The following PPP1R9A variants were observed in gnomAD, a reference collection of about 807,000 sequenced individuals.
PPP1R9A encodes the protein protein phosphatase 1 regulatory subunit 9A, also known as neurabin-1.
A neutral mutation model predicts 141.9 loss-of-function variants in PPP1R9A; 59 were observed. That is an observed-to-expected ratio of 0.42 (90% confidence interval 0.34 to 0.52). PPP1R9A has a LOEUF of 0.52. Among genes scored for constraint, PPP1R9A ranks in the 20% least tolerant of loss-of-function variants. The probability of loss-of-function intolerance (pLI) is 0.10; values close to 1 mark genes in which losing one functional copy is unlikely to be tolerated. For synonymous variants in PPP1R9A, 500 were observed against 569.7 expected (o/e 0.88, Z 1.74); for missense variants, 1,444 against 1,611.9 (o/e 0.90, Z 1.78).
At chr7:95,042,114 G>A (rs2151914550) in intron 2 of PPP1R9A, among the ~76,000 whole-genome samples, 1 of 152,226 alleles carries the variant, frequency 6.6e-6, no homozygotes, top group African/African-American at 2.4e-5. Flanking sequence ...AGCCAGGTGT[G>A]CTTTTACTGC....
chr7:95,274,489 G>C (rs553207526), intron 16 of PPP1R9A, among the ~76,000 whole-genome samples: 1 of 152,276 alleles, frequency 6.6e-6, no homozygotes, highest in South Asian at 2.1e-4. Flanking sequence ...TGATACTTCA[G>C]ATTTTTTGCC....
intron 12 of PPP1R9A, among the ~76,000 whole-genome samples, chr7:95,263,194 C>A (rs1015494157): frequency 1.3e-5 from 2 of 151,996 alleles, no homozygotes; most frequent in East Asian, 1.9e-4. Context: ...AATTAAGGTG[C>A]CTTTAAGAGA....
intron 2 of PPP1R9A, among the ~76,000 whole-genome samples, chr7:95,081,779 A>G (rs1459659062): frequency 6.6e-6 from 1 of 152,208 alleles, no homozygotes; most frequent in East Asian, 1.9e-4. Context: ...GAAATTAACC[A>G]AAGTCTTGCT....
At chr7:95,170,301 G>A (rs1264457236) in intron 5 of PPP1R9A, among the ~76,000 whole-genome samples, 4 of 151,556 alleles carry the variant, frequency 2.6e-5, no homozygotes, top group Non-Finnish European at 5.9e-5. Flanking sequence ...AGAGGTGCTA[G>A]AAAAGATAAC....
At chr7:95,093,238 A>G (rs910495183) in intron 2 of PPP1R9A, among the ~76,000 whole-genome samples, 18 of 152,294 alleles carry the variant, frequency 1.2e-4, no homozygotes, top group Non-Finnish European at 2.2e-4. Flanking sequence ...TTAATCAGCA[A>G]ATCTGCCACA....
chr7:94,938,456 C>CTT (rs144277990), intron 2 of PPP1R9A, among the ~76,000 whole-genome samples: 3 of 149,068 alleles, frequency 2.0e-5, no homozygotes, highest in African/African-American at 7.4e-5. Context: ...AGAAGGTTTT[C>CTT]TTTTTTTTTT....
chr7:95,185,378 A>ATTTTTTTTTTTTTTTTTTTT (rs147366122), intron 5 of PPP1R9A, among the ~76,000 whole-genome samples: 8 of 148,808 alleles, frequency 5.4e-5, no homozygotes, highest in African/African-American at 2.0e-4. Flanking sequence ...TTTTTATGGG[A>ATTTTTTTTTTTTTTTTTTTT]TTTTTTTTTT....
intron 4 of PPP1R9A, among the ~76,000 whole-genome samples, chr7:95,160,724 T>C (rs1245610453): frequency 6.6e-6 from 1 of 152,186 alleles, no homozygotes; most frequent in Non-Finnish European, 1.5e-5. Flanking sequence ...GCCGCCTTTA[T>C]GTCCATGAGT....
chr7:95,272,678 C>T (rs1802396098), intron 14 of PPP1R9A, among the ~76,000 whole-genome samples: 1 of 152,154 alleles, frequency 6.6e-6, no homozygotes, highest in African/African-American at 2.4e-5. Flanking sequence ...GACTGCTATC[C>T]ATGAACTGTG....
intron 7 of PPP1R9A, among the ~76,000 whole-genome samples, 189 bp from the exon 8 acceptor site, chr7:95,225,772 G>C (rs1795060370): frequency 6.6e-6 from 1 of 152,154 alleles, no homozygotes; most frequent in African/African-American, 2.4e-5. Flanking sequence ...GCATAGGTTT[G>C]TCACTTTGGA....
chr7:95,268,433 G>A, intron 12 of PPP1R9A, 117 bp from the exon 13 acceptor site: 1 of 1,100,768 alleles, frequency 9.1e-7, no homozygotes, highest in South Asian at 1.6e-5. Flanking sequence ...CTGTCATGGT[G>A]GTCACCTGAT....
chr7:95,108,307 CTTTTTTTTTTTTTTT>C (rs1166103728), intron 2 of PPP1R9A, among the ~76,000 whole-genome samples: 1 of 59,616 alleles, frequency 1.7e-5, no homozygotes. Context: ...CGTTTCTTTT[CTTTTTTTTTTTTTTT>C]TTTTTTTTTT....
At chr7:95,251,715 A>G (rs761906383) in intron 10 of PPP1R9A, 47 bp from the exon 11 acceptor site, 7 of 1,534,168 alleles carry the variant, frequency 4.6e-6, no homozygotes, top group Non-Finnish European at 6.2e-6. Context: ...AAGAACTTTC[A>G]TTTATTGAGT....
chr7:94,942,695 T>G (rs2150959367), intron 2 of PPP1R9A, among the ~76,000 whole-genome samples: 1 of 152,050 alleles, frequency 6.6e-6, no homozygotes, highest in East Asian at 1.9e-4. Context: ...TCCCAGCTAC[T>G]CAGGAGGCTG....
chr7:95,207,458 T>C (rs552201135), intron 7 of PPP1R9A, among the ~76,000 whole-genome samples: 3 of 152,174 alleles, frequency 2.0e-5, no homozygotes, highest in East Asian at 3.9e-4. Context: ...GAAAGAAAAC[T>C]TATAGGTCCA....
intron 4 of PPP1R9A, among the ~76,000 whole-genome samples, chr7:95,143,319 G>A (rs2152574222): frequency 6.6e-6 from 1 of 152,176 alleles, no homozygotes; most frequent in East Asian, 1.9e-4. Context: ...GCATTCCATA[G>A]CTGCCAGGCC....
At chr7:95,111,060 C>T (rs538378152) in intron 2 of PPP1R9A, among the ~76,000 whole-genome samples, 199 bp from the exon 3 acceptor site, 12 of 152,288 alleles carry the variant, frequency 7.9e-5, no homozygotes, top group Non-Finnish European at 1.5e-5. Context: ...GTGGTACTAT[C>T]GCTTACACAT....
At chr7:95,037,386 T>C (rs1423598976) in intron 2 of PPP1R9A, among the ~76,000 whole-genome samples, 1 of 152,200 alleles carries the variant, frequency 6.6e-6, no homozygotes, top group African/African-American at 2.4e-5. Flanking sequence ...TAAAGCATTG[T>C]CACTCTTGGC....
At position 94,907,670 on chromosome 7, in the gene PPP1R9A, T is replaced by C. The variant is rs1461809257; in HGVS notation, c.-249T>C. 3 of 152,190 alleles carry C rather than the reference T, an allele frequency of 2.0e-5. No homozygotes were observed. The highest frequency in any genetic ancestry group is 2.0e-4 in the Admixed American group (3 of 15,260). The allele number at this position is 152,190 out of a possible 1,614,324, so 9.4% of individuals were successfully genotyped here. A position where few individuals can be genotyped will look rare whatever the true frequency, so the allele number is the denominator to read the frequency against. On this transcript the variant is annotated 5_prime_UTR_variant, in exon 1 of 20. Transcript: ENST00000433360. ...GGATTTTGCTGCCGGGCTCCCTCTC[T>C]CTGCGGCCCTAGAGTTAATCCCATC...
Sources: gnomAD v4.1 joint callset for allele counts (sites outside exome capture counted in the v4.1 genomes callset) on GRCh38, gnomAD v4.1.1 for gene constraint, MANE v1.5 for transcripts, NCBI Gene and HGNC (gene_info 2026-07-23, HGNC 2026-07-21) for gene names.